The following SYNE2 variants were observed in gnomAD, a reference collection of about 807,000 sequenced individuals.
SYNE2 encodes the protein nesprin-2.
Under a neutral mutation model 856.3 loss-of-function variants are expected in SYNE2, and 431 were observed. That is an observed-to-expected ratio of 0.50 (90% CI 0.47 to 0.55). The LOEUF is 0.55. SYNE2 is among the 20% of genes least tolerant of loss of function. The pLI, the probability that SYNE2 is intolerant of heterozygous loss-of-function variation, is 0.00. For synonymous variants in SYNE2, 2,923 were observed against 2,872.3 expected (o/e 1.02, Z -0.56); for missense variants, 8,129 against 8,023.2 (o/e 1.01, Z -0.50).
intron 50 of SYNE2, 139 bp from the exon 51 acceptor site, chr14:64,065,293 T>C: frequency 1.3e-6 from 1 of 768,764 alleles, no homozygotes; most frequent in East Asian, 2.7e-5. Flanking sequence ...TATATTGACT[T>C]CTAAAAGGAT....
chr14:64,219,123 T>C, intron 109 of SYNE2, 85 bp from the exon 110 acceptor site: 1 of 966,346 alleles, frequency 1.0e-6, no homozygotes, highest in South Asian at 1.5e-5. Flanking sequence ...TTTTTTTTTT[T>C]TAACCACCCT....
At position 64,159,302 on chromosome 14, in the gene SYNE2, T is replaced by A; in HGVS notation, c.15964-10T>A. The A allele has an allele frequency of 1.2e-6, 2 of 1,613,812 alleles. No homozygotes were observed. The highest frequency in any genetic ancestry group is 1.3e-5 in the African/African-American group (1 of 75,016). On this transcript the variant is annotated splice_polypyrimidine_tract_variant and intron_variant, in intron 86 of 115. Coordinates refer to ENST00000555002, the MANE Select transcript of SYNE2 (RefSeq NM_182914.3). ...TTCTGAAACTTAAATTTCTTGTTTG[T>A]GTCTCTTAGTCTCTGCAAGATGAAG...
At chr14:63,931,218 C>T (rs568835920) in intron 2 of SYNE2, among the ~76,000 whole-genome samples, 47 of 152,064 alleles carry the variant, frequency 3.1e-4, no homozygotes, top group Non-Finnish European at 5.4e-4. Flanking sequence ...TTGTTCAAGA[C>T]GTTTTATTAG....
At chr14:63,970,678 T>C (rs1206899742) in intron 11 of SYNE2, among the ~76,000 whole-genome samples, 1 of 137,552 alleles carries the variant, frequency 7.3e-6, no homozygotes, top group Non-Finnish European at 1.5e-5. Context: ...TTTTGAGATA[T>C]AGTCTCTCTC....
At chr14:63,863,353 G>GT (rs1423268127) in intron 1 of SYNE2, among the ~76,000 whole-genome samples, 1 of 152,058 alleles carries the variant, frequency 6.6e-6, no homozygotes, top group African/African-American at 2.4e-5. Context: ...CATACCACCT[G>GT]TTTTCTCCTA....
At position 64,162,018 on chromosome 14, in the gene SYNE2, C is replaced by T. The variant is rs370072980; in HGVS notation, c.16095-54C>T. 91 of 1,600,098 alleles carry T rather than the reference C, an allele frequency of 5.7e-5. No individual in the cohort carries two copies. The East Asian group carries it at 1.5e-3, about 26-fold the overall frequency. On this transcript the variant is annotated intron_variant, in intron 87 of 115. Coordinates refer to ENST00000555002, the MANE Select transcript of SYNE2 (RefSeq NM_182914.3). ...CAGTAGAGTGTGTGCATTGTACTTTCGCTACAAGAGAAAGGAGAGAATGAG... is the reference window on the plus strand; with the variant it reads ...CAGTAGAGTGTGTGCATTGTACTTTTGCTACAAGAGAAAGGAGAGAATGAG...
intron 1 of SYNE2, among the ~76,000 whole-genome samples, chr14:63,779,456 A>AC (rs1887228519): frequency 6.7e-6 from 1 of 150,010 alleles, no homozygotes; most frequent in Non-Finnish European, 1.5e-5. Context: ...AAAAAAAAAA[A>AC]GCTAGAAAAC....
chr14:64,136,242 A>G (rs11847475), intron 78 of SYNE2, among the ~76,000 whole-genome samples: 1,689 of 148,458 alleles, frequency 0.011, 27 homozygotes, highest in African/African-American at 0.04. Context: ...GTGAGCTGAG[A>G]TAGCGCCACT....
intron 115 of SYNE2, 99 bp from the exon 116 acceptor site, chr14:64,225,220 G>C: frequency 6.3e-7 from 1 of 1,595,316 alleles, no homozygotes; most frequent in Non-Finnish European, 8.6e-7. Context: ...TTAAATCTCA[G>C]GTCTTGGATT....
In SYNE2 at chr14:63,841,515, A is replaced by G. The variant is rs76355166; in HGVS notation, c.-304-10986A>G. ...ATGTTGTTTCTGTTTTTCTTTAGGT[A>G]TCTCCTCAGGGCAAGTTCTTGTAAG... On this transcript the variant is annotated intron_variant, in intron 1 of 23. Transcript: ENST00000674003. Among the ~76,000 whole-genome samples, 861 of 152,296 alleles carry G rather than the reference A, an allele frequency of 5.7e-3. 5 individuals are homozygous for G. Among genetic ancestry groups the G allele is most frequent in the African/African-American group, 0.019 (795 of 41,558 alleles).
chr14:64,077,422 T>C (rs2097473137), intron 54 of SYNE2, among the ~76,000 whole-genome samples: 1 of 151,620 alleles, frequency 6.6e-6, no homozygotes, highest in African/African-American at 2.4e-5. Context: ...TGCAGTATGG[T>C]CTGGGGAATA....
At chr14:63,799,164 C>T (rs1340774767) in intron 1 of SYNE2, among the ~76,000 whole-genome samples, 2 of 152,118 alleles carry the variant, frequency 1.3e-5, no homozygotes, top group Non-Finnish European at 2.9e-5. Flanking sequence ...CTGCAACCTC[C>T]ACCTCCCGGG....
At position 64,167,533 on chromosome 14, in the gene SYNE2, A is replaced by G. The variant is rs1206622396; in HGVS notation, c.16799A>G (p.Tyr5600Cys). 1 of 1,614,224 alleles carries G rather than the reference A, an allele frequency of 6.2e-7. No individual in the cohort carries two copies. Among genetic ancestry groups the G allele is most frequent in the Non-Finnish European group, 8.5e-7 (1 of 1,180,022 alleles). Residue 5600 changes from tyrosine (Y) to cysteine (C), a missense_variant, in exon 92 of 116, where the codon TAT becomes TGT. Physicochemically the swap from Tyr to Cys is radical, Grantham distance 194. Transcript: ENST00000555002. ...QGIGLNEKFLYCCEKWIQLLE... is the reference protein window; with the variant it reads ...QGIGLNEKFLCCCEKWIQLLE... ...ATTGGATTGAATGAAAAGTTTCTTT[A>G]TTGCTGTGAAAAGTGGATCCAACTT...
intron 84 of SYNE2, among the ~76,000 whole-genome samples, chr14:64,150,266 T>C (rs532649278): frequency 9.0e-6 from 1 of 110,958 alleles, no homozygotes; most frequent in South Asian, 3.1e-4. Context: ...TACTGCAGCA[T>C]GGGTGACAGA....
At chr14:64,067,771 C>A (rs975369021) in intron 51 of SYNE2, among the ~76,000 whole-genome samples, 2 of 152,200 alleles carry the variant, frequency 1.3e-5, no homozygotes, top group Non-Finnish European at 2.9e-5. Context: ...AATCTCTTTA[C>A]TATAACTATT....
At chr14:63,909,641 A>G (rs2095449009) in intron 2 of SYNE2, among the ~76,000 whole-genome samples, 1 of 152,196 alleles carries the variant, frequency 6.6e-6, no homozygotes, top group South Asian at 2.1e-4. Flanking sequence ...CAGGAGTTCG[A>G]GACCAGCCTG....
intron 2 of SYNE2, among the ~76,000 whole-genome samples, chr14:63,927,077 G>A (rs2095677332): frequency 6.6e-6 from 1 of 152,212 alleles, no homozygotes; most frequent in Non-Finnish European, 1.5e-5. Context: ...GGCTAGAGAG[G>A]TGCTCTGGGG....
At chr14:64,176,781 T>C (rs1466647670) in intron 95 of SYNE2, among the ~76,000 whole-genome samples, 1 of 129,056 alleles carries the variant, frequency 7.7e-6, no homozygotes, top group African/African-American at 3.5e-5. Flanking sequence ...TTTTTTATTT[T>C]TATTTATTTA....
At chr14:64,082,970 T>G (rs1319442451) in intron 57 of SYNE2, among the ~76,000 whole-genome samples, 1 of 152,162 alleles carries the variant, frequency 6.6e-6, no homozygotes, top group Non-Finnish European at 1.5e-5. Context: ...GAAGTTGCAT[T>G]GCGCAGGTGT....
Sources: allele counts gnomAD v4.1 joint callset (sites outside exome capture counted in the v4.1 genomes callset), GRCh38; gene constraint gnomAD v4.1.1; transcripts MANE v1.5; gene names NCBI Gene and HGNC (gene_info 2026-07-23, HGNC 2026-07-21).